The following GALNTL6 variants were observed in gnomAD, a reference collection of about 807,000 sequenced individuals.
The protein encoded by GALNTL6 is polypeptide N-acetylgalactosaminyltransferase like 6.
A neutral mutation model predicts 73.7 loss-of-function variants in GALNTL6; 46 were observed. That is an observed-to-expected ratio of 0.62 (90% CI 0.49 to 0.80). The LOEUF is 0.80. Ranked by LOEUF, GALNTL6 falls within the 30% of genes least tolerant of loss-of-function variation. The pLI, the probability that GALNTL6 is intolerant of heterozygous loss-of-function variation, is 0.00. For missense variants in GALNTL6, 604 were observed against 755.0 expected, an observed-to-expected ratio of 0.80 and a Z score of 2.34; for synonymous variants, 259 against 263.7, an observed-to-expected ratio of 0.98 and a Z score of 0.17.
chr4:171,914,641 C>A (rs189207483), intron 2 of GALNTL6, among the ~76,000 whole-genome samples: 1 of 151,402 alleles, frequency 6.6e-6, no homozygotes, highest in African/African-American at 2.4e-5. Context: ...GTCTCAAACT[C>A]CTAACCTCAG....
chr4:172,561,109 C>A (rs557508900), intron 5 of GALNTL6, among the ~76,000 whole-genome samples: 2 of 151,198 alleles, frequency 1.3e-5, no homozygotes, highest in Non-Finnish European at 3.0e-5. Flanking sequence ...AAAAATTAGC[C>A]GGGCGCGGTG....
chr4:172,564,826 G>A (rs1437157133), intron 5 of GALNTL6, among the ~76,000 whole-genome samples: 1 of 152,220 alleles, frequency 6.6e-6, no homozygotes, highest in South Asian at 2.1e-4. Context: ...CCGAGTAGAT[G>A]AAACAACGAG....
chr4:172,609,454 G>A (rs1318821194), intron 5 of GALNTL6, among the ~76,000 whole-genome samples: 4 of 152,156 alleles, frequency 2.6e-5, no homozygotes, highest in African/African-American at 9.6e-5. Context: ...TTATTGATTT[G>A]CATATGTAGA....
chr4:172,439,248 A>G (rs1207111362), intron 5 of GALNTL6, among the ~76,000 whole-genome samples: 2 of 150,860 alleles, frequency 1.3e-5, no homozygotes, highest in Admixed American at 6.7e-5. Flanking sequence ...ACTTACCCCA[A>G]TCAGGCTTTT....
chr4:171,848,733 C>G (rs547556570), intron 2 of GALNTL6, among the ~76,000 whole-genome samples: 1 of 152,322 alleles, frequency 6.6e-6, no homozygotes, highest in East Asian at 1.9e-4. Flanking sequence ...CCTCACATCT[C>G]TTGTCCTTCA....
chr4:171,897,270 TCA>T lies in GALNTL6; in HGVS notation c.138+82553_138+82554del, dbSNP rs1736949994. Among the ~76,000 whole-genome samples the T allele has an allele frequency of 5.3e-5, 8 of 152,172 alleles. No individual in the cohort carries two copies. In the South Asian group the frequency reaches 1.7e-3, roughly 32 times the overall value. ...ACAAATGGTGATAGAAGATTGGCAT[TCA>T]TATGTAAAATAAGGAACCTCTATCT... On this transcript the variant is annotated intron_variant, in intron 2 of 12. Coordinates refer to ENST00000506823, the MANE Select transcript of GALNTL6 (RefSeq NM_001034845.3).
At chr4:172,400,371 T>C (rs1743995058) in intron 5 of GALNTL6, among the ~76,000 whole-genome samples, 1 of 152,144 alleles carries the variant, frequency 6.6e-6, no homozygotes, top group Non-Finnish European at 1.5e-5. Context: ...TTTGTCAGTA[T>C]AGACAAGGAT....
chr4:172,651,392 A>G (rs185046751), intron 5 of GALNTL6, among the ~76,000 whole-genome samples: 1 of 152,358 alleles, frequency 6.6e-6, no homozygotes, highest in Admixed American at 6.5e-5. Context: ...ACAATATTAC[A>G]TAGGAACTAG....
chr4:172,572,241 A>G (rs1426674475), intron 5 of GALNTL6, among the ~76,000 whole-genome samples: 2 of 152,080 alleles, frequency 1.3e-5, no homozygotes, highest in Non-Finnish European at 2.9e-5. Context: ...TATTCCCCAT[A>G]CTGCCTTCCA....
chr4:171,972,090 T>C (rs1462304999), intron 2 of GALNTL6, among the ~76,000 whole-genome samples: 2 of 152,224 alleles, frequency 1.3e-5, no homozygotes, highest in African/African-American at 4.8e-5. Flanking sequence ...TTTCAGCCTC[T>C]GCTTCTGTCA....
chr4:172,838,760 C>T (rs1263143452), intron 7 of GALNTL6, among the ~76,000 whole-genome samples: 1 of 152,148 alleles, frequency 6.6e-6, no homozygotes. Context: ...CATATAGGCA[C>T]CAAAGACTCC....
intron 6 of GALNTL6, among the ~76,000 whole-genome samples, chr4:172,812,480 T>G (rs1187214806): frequency 2.6e-5 from 4 of 152,154 alleles, no homozygotes; most frequent in Non-Finnish European, 4.4e-5. Context: ...TTCACATTCT[T>G]GGAAAGAAAG....
intron 5 of GALNTL6, among the ~76,000 whole-genome samples, chr4:172,351,528 A>C (rs929207297): frequency 6.6e-6 from 1 of 152,162 alleles, no homozygotes; most frequent in African/African-American, 2.4e-5. Flanking sequence ...ACCCCTAGAC[A>C]TCACTTGTTT....
intron 4 of GALNTL6, among the ~76,000 whole-genome samples, chr4:172,341,222 C>T (rs189271345): frequency 3.4e-4 from 51 of 151,824 alleles, no homozygotes; most frequent in African/African-American, 1.1e-3. Context: ...GAGGCCGAGG[C>T]GGGCGGATCA....
At chr4:172,056,982 G>A (rs1731035875) in intron 2 of GALNTL6, among the ~76,000 whole-genome samples, 1 of 152,044 alleles carries the variant, frequency 6.6e-6, no homozygotes, top group South Asian at 2.1e-4. Context: ...TTTTAATGAA[G>A]TAGTTTAATG....
At chr4:172,292,250 C>T (rs966788090) in intron 3 of GALNTL6, among the ~76,000 whole-genome samples, 4 of 151,484 alleles carry the variant, frequency 2.6e-5, no homozygotes, top group African/African-American at 9.7e-5. Flanking sequence ...GAAAGAACAA[C>T]CAATATAATG....
intron 7 of GALNTL6, among the ~76,000 whole-genome samples, chr4:172,827,598 C>T (rs1381654339): frequency 6.6e-6 from 1 of 152,192 alleles, no homozygotes; most frequent in Non-Finnish European, 1.5e-5. Flanking sequence ...CAAAACCTCC[C>T]AACTTTGATT....
chr4:171,889,292 T>C (rs992665405), intron 2 of GALNTL6, among the ~76,000 whole-genome samples: 3 of 152,158 alleles, frequency 2.0e-5, no homozygotes, highest in Non-Finnish European at 4.4e-5. Context: ...TTAAAATAAA[T>C]GGAATATATT....
At chr4:172,904,818 C>CA (rs757770098) in intron 8 of GALNTL6, among the ~76,000 whole-genome samples, 10 of 152,052 alleles carry the variant, frequency 6.6e-5, no homozygotes, top group Admixed American at 1.3e-4. Flanking sequence ...TGATGTGGCA[C>CA]AAAAAACAAT....
Sources: gnomAD v4.1 joint callset for allele counts (sites outside exome capture counted in the v4.1 genomes callset) on GRCh38, gnomAD v4.1.1 for gene constraint, MANE v1.5 for transcripts, NCBI Gene and HGNC (gene_info 2026-07-23, HGNC 2026-07-21) for gene names.